FAM184A: variants seen among roughly 807,000 people sequenced by gnomAD.
FAM184A encodes protein FAM184A.
FAM184A carries 99 observed loss-of-function variants against 143.8 expected under a neutral mutation model. The observed-to-expected ratio is 0.69, with a 90% CI of 0.58 to 0.81. The LOEUF is 0.81. FAM184A is among the 40% of genes least tolerant of loss of function. FAM184A has a pLI of 0.00. For missense variants in FAM184A, 1,217 were observed against 1,310.5 expected (o/e 0.93, Z 1.10); for synonymous variants, 427 against 446.4 (o/e 0.96, Z 0.55).
At chr6:119,082,957 T>C (rs1363886930), upstream of FAM184A, among the ~76,000 whole-genome samples, 1 of 152,244 alleles carries the variant, frequency 6.6e-6, no homozygotes, top group Non-Finnish European at 1.5e-5. Context: ...ACTCAACCCC[T>C]GCAGCAAATT....
intron 2 of FAM184A, 61 bp from the exon 3 acceptor site, chr6:119,023,141 T>C (rs1785506265): frequency 6.4e-6 from 10 of 1,564,170 alleles, no homozygotes; most frequent in African/African-American, 1.4e-5. Context: ...AAATAATTCA[T>C]TTAAATTATA....
At chr6:119,003,073 C>T (rs960792647) in intron 8 of FAM184A, 24 bp from the exon 9 acceptor site, 7 of 1,574,440 alleles carry the variant, frequency 4.4e-6, no homozygotes, top group Non-Finnish European at 6.0e-6. Flanking sequence ...ACTGCATTTA[C>T]TTTGTAAAGA....
At chr6:119,090,555 C>A (rs116867427) in intron 1 of FAM184A, among the ~76,000 whole-genome samples, 1 of 152,180 alleles carries the variant, frequency 6.6e-6, no homozygotes, top group African/African-American at 2.4e-5. Context: ...TATCCCTTAC[C>A]TTTCAGATCC....
chr6:119,007,389 C>A (rs912781206), intron 6 of FAM184A, among the ~76,000 whole-genome samples: 4 of 151,910 alleles, frequency 2.6e-5, no homozygotes, highest in Middle Eastern at 3.2e-3. Flanking sequence ...TACAAAAATT[C>A]TCCTTCAATC....
At chr6:118,996,784 G>A (rs943095963) in intron 9 of FAM184A, among the ~76,000 whole-genome samples, 3 of 151,110 alleles carry the variant, frequency 2.0e-5, no homozygotes, top group Non-Finnish European at 4.4e-5. Context: ...GTGTGATCTC[G>A]GCTCACTGCA....
chr6:118,981,423 A>T (rs905653074), intron 9 of FAM184A, among the ~76,000 whole-genome samples: 9 of 152,210 alleles, frequency 5.9e-5, no homozygotes, highest in Non-Finnish European at 1.0e-4. Flanking sequence ...CTGGTAAAAC[A>T]GTTTCTGCGG....
At chr6:119,032,566 AAGGAAGAGG>A (rs1329802743) in intron 1 of FAM184A, among the ~76,000 whole-genome samples, 6 of 126,726 alleles carry the variant, frequency 4.7e-5, no homozygotes, top group South Asian at 6.1e-4. Flanking sequence ...GGAGAAGGAG[AAGGAAGAGG>A]AGGAAGAGGA....
chr6:119,043,305 GAGA>G (rs1489653521), intron 1 of FAM184A, among the ~76,000 whole-genome samples: 4 of 152,200 alleles, frequency 2.6e-5, no homozygotes. Context: ...GAAGGAAAAT[GAGA>G]AGGTCACATA....
chr6:119,083,123 G>A (rs937101183), upstream of FAM184A, among the ~76,000 whole-genome samples: 1 of 152,238 alleles, frequency 6.6e-6, no homozygotes, highest in African/African-American at 2.4e-5. Flanking sequence ...AGCCTGAGCT[G>A]TACGTTGGTC....
chr6:119,103,476 T>C (rs57390596), intron 1 of FAM184A, among the ~76,000 whole-genome samples: 5,457 of 152,318 alleles, frequency 0.036, 159 homozygotes, highest in African/African-American at 0.071. Flanking sequence ...CATCCCAGCA[T>C]GCGTTCTTTG....
chr6:119,107,027 C>T (rs1788805701), intron 1 of FAM184A, among the ~76,000 whole-genome samples: 1 of 152,216 alleles, frequency 6.6e-6, no homozygotes. Flanking sequence ...ATTACTTTCA[C>T]AGCTCTCAAG....
chr6:119,052,719 C>A (rs780908842), intron 1 of FAM184A, among the ~76,000 whole-genome samples: 12 of 152,310 alleles, frequency 7.9e-5, no homozygotes, highest in Middle Eastern at 6.8e-3. Context: ...CAACAACCAA[C>A]CACCAGAGGC....
intron 1 of FAM184A, among the ~76,000 whole-genome samples, chr6:119,094,943 T>G (rs1274218420): frequency 6.6e-6 from 1 of 152,148 alleles, no homozygotes; most frequent in Admixed American, 6.5e-5. Flanking sequence ...AATGGGGGAA[T>G]ATTTCTCCTT....
intron 17 of FAM184A, among the ~76,000 whole-genome samples, chr6:118,960,476 T>A (rs1214925996): frequency 6.6e-6 from 1 of 152,144 alleles, no homozygotes; most frequent in Non-Finnish European, 1.5e-5. Flanking sequence ...AAAAATTCAG[T>A]AAGAATTGTG....
At chr6:119,117,397 G>A (rs1562157194) in intron 1 of FAM184A, among the ~76,000 whole-genome samples, 1 of 152,232 alleles carries the variant, frequency 6.6e-6, no homozygotes, top group Non-Finnish European at 1.5e-5. Flanking sequence ...CCCTGGCAGG[G>A]CTTCCTGGCT....
intron 12 of FAM184A, 74 bp downstream of exon 12, chr6:118,975,830 TTATTACAAAATAA>T: frequency 7.8e-7 from 1 of 1,279,446 alleles, no homozygotes; most frequent in Non-Finnish European, 1.1e-6. Context: ...TGAAAATAAG[TTATTACAAAATAA>T]TTTTCAGGAA....
intron 1 of FAM184A, among the ~76,000 whole-genome samples, chr6:119,128,199 G>C (rs1789426509): frequency 6.6e-6 from 1 of 152,174 alleles, no homozygotes; most frequent in South Asian, 2.1e-4. Flanking sequence ...TGGAAAACCA[G>C]ACATGAGAGA....
intron 1 of FAM184A, among the ~76,000 whole-genome samples, chr6:119,129,100 C>G (rs905584336): frequency 6.6e-6 from 1 of 152,198 alleles, no homozygotes; most frequent in African/African-American, 2.4e-5. Flanking sequence ...TTGAATCTAC[C>G]TATAACCTGG....
At chr6:119,003,160 G>T in intron 8 of FAM184A, 111 bp from the exon 9 acceptor site, 1 of 969,674 alleles carries the variant, frequency 1.0e-6, no homozygotes, top group Non-Finnish European at 1.5e-6. Flanking sequence ...AAAAGTCTAT[G>T]ATGCTGAGGA....
Sources: gnomAD v4.1 joint callset for allele counts (sites outside exome capture counted in the v4.1 genomes callset) on GRCh38, gnomAD v4.1.1 for gene constraint, MANE v1.5 for transcripts, NCBI Gene and HGNC (gene_info 2026-07-23, HGNC 2026-07-21) for gene names.